PAPSS2: variants seen among roughly 807,000 people sequenced by gnomAD.
The protein encoded by PAPSS2 is 3'-phosphoadenosine 5'-phosphosulfate synthase 2, also known as bifunctional 3'-phosphoadenosine 5'-phosphosulfate synthase 2.
A neutral mutation model predicts 66.5 loss-of-function variants in PAPSS2; 61 were observed. The observed-to-expected ratio is 0.92, with a 90% CI of 0.75 to 1.14. The LOEUF is 1.14. PAPSS2 is among the 50% of genes most tolerant of loss of function. The probability of loss-of-function intolerance (pLI) is 0.00; values close to 1 mark genes in which losing one functional copy is unlikely to be tolerated. For synonymous variants in PAPSS2, 289 were observed against 287.5 expected (o/e 1.01, Z -0.05); for missense variants, 708 against 789.6 (o/e 0.90, Z 1.24).
At chr10:87,686,186 C>T (rs547484289) in intron 1 of PAPSS2, among the ~76,000 whole-genome samples, 11 of 147,338 alleles carry the variant, frequency 7.5e-5, no homozygotes, top group African/African-American at 2.5e-4. Context: ...TATGTATGTA[C>T]AGAGATAGAT....
intron 1 of PAPSS2, among the ~76,000 whole-genome samples, chr10:87,676,964 C>T (rs1229855375): frequency 6.8e-6 from 1 of 146,788 alleles, no homozygotes; most frequent in African/African-American, 2.5e-5. Flanking sequence ...GAGGCCGAGG[C>T]AGGCAGATCA....
intron 1 of PAPSS2, among the ~76,000 whole-genome samples, chr10:87,668,512 T>C (rs1852839803): frequency 6.6e-6 from 1 of 152,190 alleles, no homozygotes; most frequent in Admixed American, 6.5e-5. Context: ...ACCTTTATAT[T>C]ATCAACGTTC....
intron 2 of PAPSS2, among the ~76,000 whole-genome samples, chr10:87,710,276 C>T (rs1328949665): frequency 6.6e-6 from 1 of 152,106 alleles, no homozygotes; most frequent in African/African-American, 2.4e-5. Flanking sequence ...CAAGTTTTTG[C>T]CTTGTGCCTT....
At chr10:87,731,050 C>G (rs1853721768) in intron 9 of PAPSS2, among the ~76,000 whole-genome samples, 2 of 152,200 alleles carry the variant, frequency 1.3e-5, no homozygotes, top group South Asian at 2.1e-4. Context: ...AAGATGCCAC[C>G]TAGGATTTTC....
In PAPSS2 at chr10:87,714,870, G is replaced by A. The variant is rs952952340; in HGVS notation, c.639+7G>A. 39 of 1,547,550 alleles carry A rather than the reference G, an allele frequency of 2.5e-5. No individual in the cohort carries two copies. The highest frequency in any genetic ancestry group is 3.5e-5 in the Non-Finnish European group (39 of 1,119,338). On this transcript the variant is annotated splice_region_variant and intron_variant, in intron 5 of 12. Transcript: ENST00000456849. Reference sequence around the variant, plus strand: ...GGAACTTCTGCAAGAGCAGGTAGGTGAACCGGTTGTCTTTTTTTATATGTT... The same window carrying A: ...GGAACTTCTGCAAGAGCAGGTAGGTAAACCGGTTGTCTTTTTTTATATGTT...
intron 9 of PAPSS2, among the ~76,000 whole-genome samples, chr10:87,733,648 A>T (rs1292231626): frequency 1.3e-5 from 2 of 152,056 alleles, no homozygotes; most frequent in African/African-American, 2.4e-5. Flanking sequence ...ATCCTCACAG[A>T]TTCTCATTTA....
At chr10:87,663,621 T>C (rs1441657200) in intron 1 of PAPSS2, among the ~76,000 whole-genome samples, 2 of 152,140 alleles carry the variant, frequency 1.3e-5, no homozygotes, top group Non-Finnish European at 2.9e-5. Flanking sequence ...GAAATTCAGG[T>C]CTGTCCAGCT....
intron 9 of PAPSS2, among the ~76,000 whole-genome samples, chr10:87,729,328 T>C (rs1407586014): frequency 6.6e-6 from 1 of 152,126 alleles, no homozygotes; most frequent in Non-Finnish European, 1.5e-5. Context: ...GCTCATTTTG[T>C]GTCTCTGTGT....
chr10:87,689,697 A>C (rs1853145534), intron 1 of PAPSS2, among the ~76,000 whole-genome samples: 2 of 151,146 alleles, frequency 1.3e-5, no homozygotes, highest in Non-Finnish European at 2.9e-5. Context: ...AAAAAAAAGA[A>C]CTGGGAAGAT....
chr10:87,686,341 CAAAAA>C (rs1211559805), intron 1 of PAPSS2, among the ~76,000 whole-genome samples: 1 of 58,210 alleles, frequency 1.7e-5, no homozygotes, highest in Non-Finnish European at 4.3e-5. Context: ...GGCAACTTTC[CAAAAA>C]AAAAAAAAAA....
chr10:87,728,798 C>A (rs554061306), intron 9 of PAPSS2, among the ~76,000 whole-genome samples: 1 of 152,026 alleles, frequency 6.6e-6, no homozygotes, highest in Admixed American at 6.5e-5. Flanking sequence ...AGCCTCATGA[C>A]CCTGTCAAAA....
chr10:87,668,044 T>C (rs1267486360), intron 1 of PAPSS2, among the ~76,000 whole-genome samples: 2 of 152,214 alleles, frequency 1.3e-5, no homozygotes, highest in Admixed American at 1.3e-4. Flanking sequence ...TTAAACTACC[T>C]GGAAGAAAAT....
At chr10:87,703,609 A>C in intron 1 of PAPSS2, 1 of 428,910 alleles carries the variant, frequency 2.3e-6, no homozygotes, top group South Asian at 1.8e-5. Context: ...GAGAAAGATA[A>C]GGAGGTTCAG....
intron 1 of PAPSS2, chr10:87,660,349 C>A (rs956195799): frequency 1.9e-5 from 9 of 483,566 alleles, no homozygotes; most frequent in Non-Finnish European, 3.4e-5. Context: ...CTCTTCCAGA[C>A]CCGCCTTTTC....
rs771777618 is a variant in PAPSS2 at position 87,727,479 on chromosome 10, C to T, written c.1076C>T (p.Pro359Leu). 1 of 1,611,092 alleles carries T rather than the reference C, an allele frequency of 6.2e-7. No individual in the cohort carries two copies. Among genetic ancestry groups the T allele is most frequent in the Non-Finnish European group, 8.5e-7 (1 of 1,178,270 alleles). ...TGGGGGACAACATGTACAAAACACCCCCATATCAAAGTAAGTCACAAAACC... is the reference window on the plus strand; with the variant it reads ...TGGGGGACAACATGTACAAAACACCTCCATATCAAAGTAAGTCACAAAACC... ...RVWGTTCTKH[P>L]HIKMVMESGD... Residue 359 changes from proline (P) to leucine (L), a missense_variant, in exon 9 of 13, where the codon CCC (proline) becomes CTC (leucine). Coordinates refer to ENST00000456849, the MANE Select transcript of PAPSS2 (RefSeq NM_001015880.2).
In PAPSS2 at chr10:87,706,094, A is replaced by ATATATATG. The variant is rs141346837; in HGVS notation, c.28-3095_28-3094insGTATATAT. On this transcript the variant is annotated intron_variant, in intron 1 of 12. Transcript: ENST00000456849. ...ACGTTTCTTCACATGGTATATATAT[A>ATATATATG]TATATATATATATATGTGTGTGTGT... Among the ~76,000 whole-genome samples the ATATATATG allele has an allele frequency of 1.6e-4, 14 of 90,140 alleles. No individual in the cohort carries two copies. In the East Asian group the frequency reaches 3.8e-3, roughly 24 times the overall value. 59.1% of individuals were successfully genotyped at this position (90,140 alleles called of 152,430 possible). A position where few individuals can be genotyped will look rare whatever the true frequency, so the allele number is the denominator to read the frequency against.
Position 87,659,966 on chromosome 10 carries a change from G to A in PAPSS2, c.-16G>A. 1 of 1,612,476 alleles carries A rather than the reference G, an allele frequency of 6.2e-7. No homozygotes were observed. Among genetic ancestry groups the A allele is most frequent in the Non-Finnish European group, 8.5e-7 (1 of 1,179,550 alleles). ...TCTCTGCTCCCGGGACCCGGGCTCC[G>A]CCGCAGCCAGCCAGCATGTCGGGGA... On this transcript the variant is annotated 5_prime_UTR_variant, in exon 1 of 13. Coordinates refer to ENST00000456849, the MANE Select transcript of PAPSS2 (RefSeq NM_001015880.2).
intron 1 of PAPSS2, among the ~76,000 whole-genome samples, chr10:87,664,187 A>G (rs1181244350): frequency 6.6e-6 from 1 of 152,134 alleles, no homozygotes; most frequent in African/African-American, 2.4e-5. Context: ...CTCCCGAAGT[A>G]TTAGGATTGC....
intron 1 of PAPSS2, among the ~76,000 whole-genome samples, chr10:87,681,145 A>T (rs1291513230): frequency 6.6e-6 from 1 of 152,196 alleles, no homozygotes; most frequent in Non-Finnish European, 1.5e-5. Flanking sequence ...AACACAAAGA[A>T]TTCTCAGGTT....
Sources: gnomAD v4.1 joint callset for allele counts (sites outside exome capture counted in the v4.1 genomes callset) on GRCh38, gnomAD v4.1.1 for gene constraint, MANE v1.5 for transcripts, NCBI Gene and HGNC (gene_info 2026-07-23, HGNC 2026-07-21) for gene names.